The following SLC44A5 variants were observed in gnomAD, a reference collection of about 807,000 sequenced individuals.
SLC44A5 encodes choline transporter-like protein 5.
A neutral mutation model predicts 101.8 loss-of-function variants in SLC44A5; 57 were observed. That is an observed-to-expected ratio of 0.56 (90% CI 0.45 to 0.70). SLC44A5 has a LOEUF of 0.70. SLC44A5 is among the 30% of genes least tolerant of loss of function. The pLI, the probability that SLC44A5 is intolerant of heterozygous loss-of-function variation, is 0.00. For synonymous variants in SLC44A5, 281 were observed against 290.9 expected, an observed-to-expected ratio of 0.97 and a Z score of 0.35; for missense variants, 737 against 853.1, an observed-to-expected ratio of 0.86 and a Z score of 1.70.
At chr1:75,231,419 A>G (rs372544024) in intron 12 of SLC44A5, among the ~76,000 whole-genome samples, 1 of 152,330 alleles carries the variant, frequency 6.6e-6, no homozygotes, top group African/African-American at 2.4e-5. Context: ...CATAGCAAGA[A>G]GGCCCTTCAG....
chr1:75,629,238 G>C, the SLC44A5 span, among the ~76,000 whole-genome samples: 1 of 152,034 alleles, frequency 6.6e-6, no homozygotes, highest in African/African-American at 2.4e-5. Context: ...AGAGGAGCTT[G>C]GGAGGAAGAG....
the SLC44A5 span, among the ~76,000 whole-genome samples, chr1:75,671,548 G>T: frequency 1.3e-5 from 2 of 152,166 alleles, no homozygotes; most frequent in Admixed American, 1.3e-4. Flanking sequence ...TAAGTTCTCT[G>T]AGAACAGTAA....
At chr1:75,600,274 TA>T (rs1183495626) in intron 1 of SLC44A5, among the ~76,000 whole-genome samples, 1 of 152,082 alleles carries the variant, frequency 6.6e-6, no homozygotes, top group Non-Finnish European at 1.5e-5. Flanking sequence ...TATATAAAAG[TA>T]CAACCATGAA....
intron 4 of SLC44A5, among the ~76,000 whole-genome samples, chr1:75,334,145 C>T (rs1419637566): frequency 6.6e-6 from 1 of 152,154 alleles, no homozygotes. Flanking sequence ...TTGAAAGTAG[C>T]TTTATTCATT....
chr1:75,660,528 C>G, the SLC44A5 span, among the ~76,000 whole-genome samples: 2 of 152,086 alleles, frequency 1.3e-5, no homozygotes, highest in African/African-American at 2.4e-5. Flanking sequence ...AGAAAGAAGT[C>G]AAATTGTCCT....
intron 2 of SLC44A5, among the ~76,000 whole-genome samples, chr1:75,489,023 T>C (rs1456881063): frequency 6.6e-6 from 1 of 152,012 alleles, no homozygotes; most frequent in African/African-American, 2.4e-5. Flanking sequence ...TAATTTTGTA[T>C]TTTTAGTGGA....
At chr1:75,473,919 G>C (rs2101740116) in intron 2 of SLC44A5, among the ~76,000 whole-genome samples, 1 of 152,280 alleles carries the variant, frequency 6.6e-6, no homozygotes, top group East Asian at 1.9e-4. Flanking sequence ...CTGTGGCTCT[G>C]TAGTGTGGTG....
At chr1:75,290,206 A>G (rs1396325685) in intron 5 of SLC44A5, among the ~76,000 whole-genome samples, 2 of 152,224 alleles carry the variant, frequency 1.3e-5, no homozygotes. Context: ...AGTAGCTGGC[A>G]TAATGGAACA....
At chr1:75,476,849 G>C (rs1004458495) in intron 2 of SLC44A5, among the ~76,000 whole-genome samples, 1 of 152,244 alleles carries the variant, frequency 6.6e-6, no homozygotes, top group Non-Finnish European at 1.5e-5. Context: ...AAAGACAGCA[G>C]TAACCTCTGC....
chr1:75,571,892 TA>T (rs1327356093), intron 1 of SLC44A5, among the ~76,000 whole-genome samples: 4 of 151,950 alleles, frequency 2.6e-5, no homozygotes, highest in African/African-American at 9.7e-5. Flanking sequence ...TTCCAGAGAT[TA>T]AAAAAAGCAA....
At chr1:75,223,940 G>A (rs677470) in intron 13 of SLC44A5, among the ~76,000 whole-genome samples, 132,964 of 152,234 alleles carry the variant, frequency 0.87, 58,248 homozygotes, top group East Asian at 0.99. Flanking sequence ...GATAATACAT[G>A]TAAGAGTCAC....
At chr1:75,561,422 T>C (rs1300512519) in intron 1 of SLC44A5, among the ~76,000 whole-genome samples, 2 of 152,144 alleles carry the variant, frequency 1.3e-5, no homozygotes, top group South Asian at 2.1e-4. Context: ...TTTACTTTTA[T>C]TATTGTCTGT....
chr1:75,398,523 AT>A, intron 2 of SLC44A5: 1 of 334,116 alleles, frequency 3.0e-6, no homozygotes, highest in Non-Finnish European at 4.3e-6. Flanking sequence ...CATATACCCC[AT>A]TTTACACTTG....
chr1:75,573,953 A>G (rs556150056), intron 1 of SLC44A5, among the ~76,000 whole-genome samples: 1 of 152,358 alleles, frequency 6.6e-6, no homozygotes, highest in South Asian at 2.1e-4. Flanking sequence ...CACCCCATGC[A>G]CTGATGCACT....
chr1:75,253,750 G>A (rs1288277356), intron 6 of SLC44A5, among the ~76,000 whole-genome samples: 1 of 152,114 alleles, frequency 6.6e-6, no homozygotes, highest in Non-Finnish European at 1.5e-5. Flanking sequence ...TTTATAAACT[G>A]CAAACTGCTA....
At chr1:75,457,781 C>T (rs529858904) in intron 2 of SLC44A5, among the ~76,000 whole-genome samples, 2 of 152,000 alleles carry the variant, frequency 1.3e-5, no homozygotes, top group Non-Finnish European at 2.9e-5. Context: ...AGCTTGAACC[C>T]GCGAGGCGGA....
At chr1:75,266,109 G>A (rs983927512) in intron 6 of SLC44A5, among the ~76,000 whole-genome samples, 1 of 152,098 alleles carries the variant, frequency 6.6e-6, no homozygotes, top group South Asian at 2.1e-4. Context: ...AGCACAAAAG[G>A]CCAAAAGCCA....
chr1:75,621,651 C>G, the SLC44A5 span, among the ~76,000 whole-genome samples: 1 of 152,010 alleles, frequency 6.6e-6, no homozygotes, highest in African/African-American at 2.4e-5. Context: ...AATGTCCCAC[C>G]AATTTTAATA....
intron 1 of SLC44A5, 93 bp from the exon 2 acceptor site, chr1:75,541,609 T>C: frequency 1.5e-6 from 1 of 687,738 alleles, no homozygotes; most frequent in Non-Finnish European, 2.3e-6. Context: ...CATAACTTAC[T>C]ATAATTTACT....
Sources: allele counts gnomAD v4.1 joint callset (sites outside exome capture counted in the v4.1 genomes callset), GRCh38; gene constraint gnomAD v4.1.1; transcripts MANE v1.5; gene names NCBI Gene and HGNC (gene_info 2026-07-23, HGNC 2026-07-21).